Variants in SLC36A1 observed in about 807,000 individuals in gnomAD.
The protein encoded by SLC36A1 is proton-coupled amino acid transporter 1.
A neutral mutation model predicts 47.5 loss-of-function variants in SLC36A1; 30 were observed. The observed-to-expected ratio is 0.63, with a 90% CI of 0.47 to 0.86. SLC36A1 has a LOEUF of 0.86. Ranked by LOEUF, SLC36A1 falls within the 40% of genes least tolerant of loss-of-function variation. The pLI is 0.00. For synonymous variants in SLC36A1, 255 were observed against 249.7 expected, an observed-to-expected ratio of 1.02 and a Z score of -0.20; for missense variants, 517 against 606.0, an observed-to-expected ratio of 0.85 and a Z score of 1.54.
intron 5 of SLC36A1, among the ~76,000 whole-genome samples, chr5:151,465,746 A>G (rs369220574): frequency 1.5e-3 from 235 of 152,340 alleles, no homozygotes; most frequent in Middle Eastern, 6.8e-3. Context: ...CAGATGAGAA[A>G]CGCACATGAG....
chr5:151,544,220 G>A, the SLC36A1 span: 237 of 1,614,046 alleles, frequency 1.5e-4, no homozygotes, highest in Non-Finnish European at 1.9e-4. Context: ...TCACGGTTCC[G>A]CCCTGAGTCC....
chr5:151,525,437 C>T, the SLC36A1 span, among the ~76,000 whole-genome samples: 1 of 152,200 alleles, frequency 6.6e-6, no homozygotes, highest in African/African-American at 2.4e-5. Context: ...GTGTTTTGCC[C>T]AGGCACAGAG....
downstream of SLC36A1, among the ~76,000 whole-genome samples, chr5:151,495,948 A>G (rs1760325956): frequency 6.6e-6 from 1 of 152,174 alleles, no homozygotes; most frequent in Admixed American, 6.5e-5. Context: ...GGATTTAGTT[A>G]TTACAAATAA....
chr5:151,405,613 T>G, the SLC36A1 span, among the ~76,000 whole-genome samples: 8 of 149,888 alleles, frequency 5.3e-5, no homozygotes, highest in African/African-American at 2.0e-4. Context: ...TGTGAACCTT[T>G]AGAGATAAGA....
At chr5:151,545,835 C>T in the SLC36A1 span, 8 of 1,614,046 alleles carry the variant, frequency 5.0e-6, no homozygotes, top group Non-Finnish European at 6.8e-6. Context: ...TAATTTGGCC[C>T]ACAAAAGTTG....
the SLC36A1 span, among the ~76,000 whole-genome samples, chr5:151,399,129 C>G: frequency 2.2e-4 from 29 of 131,408 alleles, no homozygotes; most frequent in African/African-American, 7.7e-4. Context: ...CTCTATCACC[C>G]AAGCTGAAGT....
chr5:151,463,333 G>A (rs1362228038), intron 2 of SLC36A1, among the ~76,000 whole-genome samples: 1 of 152,234 alleles, frequency 6.6e-6, no homozygotes, highest in African/African-American at 2.4e-5. Flanking sequence ...TTACAGCACA[G>A]TGGATAAGAG....
intron 2 of SLC36A1, among the ~76,000 whole-genome samples, chr5:151,460,453 T>C: frequency 6.6e-6 from 1 of 152,234 alleles, no homozygotes; most frequent in East Asian, 1.9e-4. Flanking sequence ...AATCAGAAGA[T>C]ACCTTCCTCA....
the SLC36A1 span, among the ~76,000 whole-genome samples, chr5:151,501,868 A>G: frequency 6.7e-6 from 1 of 148,200 alleles, no homozygotes; most frequent in Non-Finnish European, 1.5e-5. Flanking sequence ...CTTAAAGTGG[A>G]CCATAGACCT....
rs1385455912 is a variant in SLC36A1 at position 151,488,287 on chromosome 5, C to A, written c.*33C>A. ...GGTTCGTCTCTGCAGCTGCCTACCCCTGCCCCATGTGTCCCCCGTTACCTG... is the reference window on the plus strand; with the variant it reads ...GGTTCGTCTCTGCAGCTGCCTACCCATGCCCCATGTGTCCCCCGTTACCTG... On this transcript the variant is annotated 3_prime_UTR_variant, in exon 11 of 11. Coordinates refer to ENST00000243389, the MANE Select transcript of SLC36A1 (RefSeq NM_078483.4). 1.2e-6 allele frequency: 2 copies of A among 1,605,804 alleles called. No individual in the cohort carries two copies. The highest frequency in any genetic ancestry group is 2.7e-5 in the African/African-American group (2 of 74,784).
intron 4 of SLC36A1, 63 bp downstream of exon 4, chr5:151,464,665 C>G: frequency 9.2e-6 from 13 of 1,409,876 alleles, no homozygotes; most frequent in Non-Finnish European, 1.2e-5. Flanking sequence ...GTTATCAACC[C>G]TGAAAATGAG....
the SLC36A1 span, chr5:151,546,225 A>ATCT: frequency 6.2e-7 from 1 of 1,614,138 alleles, no homozygotes; most frequent in Non-Finnish European, 8.5e-7. Context: ...GGGAGCCTTG[A>ATCT]TCTTCTGCCT....
chr5:151,527,416 G>A, the SLC36A1 span: 20 of 1,544,424 alleles, frequency 1.3e-5, no homozygotes, highest in Admixed American at 9.6e-5. Flanking sequence ...CAATGAGGTA[G>A]CTGTCCCTCA....
At chr5:151,535,169 T>A in the SLC36A1 span, among the ~76,000 whole-genome samples, 2 of 152,020 alleles carry the variant, frequency 1.3e-5, no homozygotes, top group South Asian at 4.2e-4. Flanking sequence ...TGTGTGGTGT[T>A]ATAAGTGTAT....
chr5:151,361,659 T>G, the SLC36A1 span, among the ~76,000 whole-genome samples: 1 of 152,246 alleles, frequency 6.6e-6, no homozygotes, highest in Non-Finnish European at 1.5e-5. Flanking sequence ...TCTGGGTACT[T>G]ACTTTTATCA....
intron 1 of SLC36A1, among the ~76,000 whole-genome samples, chr5:151,440,604 C>T (rs1008698486): frequency 6.6e-6 from 1 of 151,976 alleles, no homozygotes; most frequent in Non-Finnish European, 1.5e-5. Flanking sequence ...AGTTACATTC[C>T]TCAAGACTAT....
the SLC36A1 span, among the ~76,000 whole-genome samples, chr5:151,356,291 T>TCACGC: frequency 8.0e-6 from 1 of 125,448 alleles, no homozygotes; most frequent in Non-Finnish European, 1.6e-5. Flanking sequence ...TGAGCTGAGA[T>TCACGC]CACGCCACTG....
chr5:151,391,716 G>A, the SLC36A1 span, among the ~76,000 whole-genome samples: 24 of 152,162 alleles, frequency 1.6e-4, no homozygotes, highest in African/African-American at 5.8e-4. Context: ...ATTGATTTGT[G>A]TTTGTTGAAC....
At position 151,467,748 on chromosome 5, in the gene SLC36A1, C is replaced by A; in HGVS notation, c.546C>A (p.Asn182Lys). Residue 182 changes from asparagine to lysine, a missense_variant, in exon 7 of 11, where the codon AAC (asparagine) becomes AAA (lysine). Asn to Lys is a moderately conservative substitution (Grantham distance 94). Transcript: ENST00000243389. ...AANGTTNNCH[N>K]NETVILTPTM... ...ATGGGACCACCAATAACTGCCACAA[C>A]AATGAGACGGTGATTCTGACGCCTA... 6.2e-7 allele frequency: 1 copy of A among 1,614,092 alleles called. No individual in the cohort carries two copies. Among genetic ancestry groups the A allele is most frequent in the Non-Finnish European group, 8.5e-7 (1 of 1,180,004 alleles).
Sources: allele counts gnomAD v4.1 joint callset (sites outside exome capture counted in the v4.1 genomes callset), GRCh38; gene constraint gnomAD v4.1.1; transcripts MANE v1.5; gene names NCBI Gene and HGNC (gene_info 2026-07-23, HGNC 2026-07-21).